The following FEM1C variants were observed in gnomAD, a reference collection of about 807,000 sequenced individuals.
FEM1C encodes the protein fem-1 homolog C.
In FEM1C, 15 loss-of-function variants were observed where a neutral mutation model predicts 37.6. The observed-to-expected ratio is 0.40, with a 90% CI of 0.27 to 0.61. The LOEUF (loss-of-function observed/expected upper bound fraction) is 0.61, where lower values mean the gene tolerates loss of function less well. Ranked by LOEUF, FEM1C falls within the 20% of genes least tolerant of loss-of-function variation. FEM1C has a pLI of 0.42. For synonymous variants in FEM1C, 287 were observed against 272.8 expected, an observed-to-expected ratio of 1.05 and a Z score of -0.51; for missense variants, 532 against 749.7, an observed-to-expected ratio of 0.71 and a Z score of 3.39.
At chr5:115,531,820 G>T (rs1267346663) in intron 2 of FEM1C, among the ~76,000 whole-genome samples, 3 of 151,918 alleles carry the variant, frequency 2.0e-5, no homozygotes, top group Non-Finnish European at 2.9e-5. Context: ...TACTGAAATG[G>T]GGTGGGCTGG....
Position 115,524,941 on chromosome 5 carries a change from T to G in FEM1C, c.1221A>C (p.Thr407=). ...AAAGTATGCCCATAAGATCATCAAA[T>G]GTAACAGTAGTACCCAGCAGGCCTT... The part of the protein sequence containing the change: ...RAKGLLGTTV[T]FDDLMGILCK... Residue 407 remains threonine (T), a synonymous_variant, in exon 3 of 3, where the codon ACA becomes ACC. Transcript: ENST00000274457. 1.2e-6 allele frequency: 2 copies of G among 1,613,798 alleles called. No individual in the cohort carries two copies. Among genetic ancestry groups the G allele is most frequent in the Non-Finnish European group, 1.7e-6 (2 of 1,179,850 alleles).
chr5:115,535,284 T>TAAAAAAAAAAAAAAAAAAAAAAAAAAAA (rs5870660), intron 2 of FEM1C, among the ~76,000 whole-genome samples: 1 of 140,032 alleles, frequency 7.1e-6, no homozygotes, highest in Non-Finnish European at 1.5e-5. Flanking sequence ...TCAAAAAAGT[T>TAAAAAAAAAAAAAAAAAAAAAAAAAAAA]AAAAAAAAAA....
chr5:115,529,008 AG>A (rs768430763), intron 2 of FEM1C, among the ~76,000 whole-genome samples: 49 of 152,208 alleles, frequency 3.2e-4, no homozygotes, highest in Admixed American at 1.0e-3. Context: ...AGAAAGAAGC[AG>A]GGAGTGGTAA....
chr5:115,543,349 C>A lies in FEM1C; in HGVS notation c.145G>T (p.Ala49Ser), dbSNP rs147888948. ...TNGATPLLMAARYGHLDMVEF... is the reference protein window; with the variant it reads ...TNGATPLLMASRYGHLDMVEF... ...ACCATGTCAAGGTGCCCATACCTGG[C>A]GGCCATCAAGAGTGGCGTGGCCCCA... The change falls in exon 2 of 3, where the codon GCC becomes TCC. Residue 49 changes from alanine (A) to serine (S), a missense_variant. This residue lies in a region of FEM1C where 74 missense variants were observed against 85.0 expected (regional missense o/e 0.87). Transcript: ENST00000274457. 3.3e-5 allele frequency: 54 copies of A among 1,614,204 alleles called. No homozygotes were observed. The East Asian group carries it at 1.2e-3, about 35-fold the overall frequency.
chr5:115,541,664 A>G (rs1754244094), intron 2 of FEM1C, among the ~76,000 whole-genome samples: 1 of 152,194 alleles, frequency 6.6e-6, no homozygotes, highest in African/African-American at 2.4e-5. Flanking sequence ...AATATCAACC[A>G]ATAGAGACTA....
At chr5:115,530,956 A>T (rs1200380123) in intron 2 of FEM1C, among the ~76,000 whole-genome samples, 1 of 152,066 alleles carries the variant, frequency 6.6e-6, no homozygotes, top group Non-Finnish European at 1.5e-5. Context: ...AAAAAAAAAA[A>T]ATTAATGAAA....
At position 115,523,475 on chromosome 5, in the gene FEM1C, T is replaced by C. The variant is rs1367832702; in HGVS notation, c.*833A>G. On this transcript the variant is annotated 3_prime_UTR_variant, in exon 3 of 3. Coordinates refer to ENST00000274457, the MANE Select transcript of FEM1C (RefSeq NM_020177.3). ...CCTTTTACTGCATGATATATTAAGA[T>C]GACAGACCTAAATTTCAACTGGGTT... 6.6e-6 allele frequency: 1 copy of C among 152,496 alleles called. No homozygotes were observed. Among genetic ancestry groups the C allele is most frequent in the Admixed American group, 6.6e-5 (1 of 15,234 alleles). The allele number at this position is 152,496 out of a possible 1,614,324, so 9.4% of individuals were successfully genotyped here. A position where few individuals can be genotyped will look rare whatever the true frequency, so the allele number is the denominator to read the frequency against.
intron 2 of FEM1C, among the ~76,000 whole-genome samples, chr5:115,542,563 TA>T (rs56087439): frequency 0.61 from 86,625 of 142,320 alleles, 26,422 homozygotes; most frequent in African/African-American, 0.76. Flanking sequence ...AAGGTTGTTC[TA>T]AAAAAAAAAA....
intron 1 of FEM1C, 60 bp from the exon 2 acceptor site, chr5:115,543,743 T>G (rs1005498960): frequency 7.8e-7 from 1 of 1,289,626 alleles, no homozygotes; most frequent in Non-Finnish European, 9.8e-7. Context: ...GCAAAACACT[T>G]CTTAATTTCC....
At chr5:115,540,279 A>C (rs1306668433) in intron 2 of FEM1C, among the ~76,000 whole-genome samples, 1 of 152,080 alleles carries the variant, frequency 6.6e-6, no homozygotes, top group African/African-American at 2.4e-5. Context: ...GAGGATGAAC[A>C]TGTACTTTAA....
chr5:115,523,598 C>A lies in FEM1C; in HGVS notation c.*710G>T, dbSNP rs1448206803. On this transcript the variant is annotated 3_prime_UTR_variant, in exon 3 of 3. Coordinates refer to ENST00000274457, the MANE Select transcript of FEM1C (RefSeq NM_020177.3). ...GATGTGAAGAAAGTGAAGAAAAAAA[C>A]AAACAAAAAAGCTTGAGCTATAATA... The A allele has an allele frequency of 6.6e-6, 1 of 152,318 alleles. No individual in the cohort carries two copies. Among genetic ancestry groups the A allele is most frequent in the African/African-American group, 2.4e-5 (1 of 41,416 alleles). The allele number at this position is 152,318 out of a possible 1,614,324, so 9.4% of individuals were successfully genotyped here.
Position 115,525,411 on chromosome 5 carries a change from G to A in FEM1C, c.751C>T (p.Leu251=). 6.2e-7 allele frequency: 1 copy of A among 1,613,598 alleles called. No homozygotes were observed. Among genetic ancestry groups the A allele is most frequent in the East Asian group, 2.2e-5 (1 of 44,864 alleles). ...KTERINALEL[L]GATFVDKKRD... ...TTTTTGTCTACAAATGTAGCTCCCA[G>A]AAGCTCTAGAGCATTAATACGTTCT... Residue 251 remains leucine, a synonymous_variant, in exon 3 of 3, where the codon CTG becomes TTG. Transcript: ENST00000274457.
chr5:115,528,499 A>C (rs1244782893), intron 2 of FEM1C, among the ~76,000 whole-genome samples: 1 of 152,208 alleles, frequency 6.6e-6, no homozygotes, highest in African/African-American at 2.4e-5. Context: ...CTAGGGAGTT[A>C]AAGTTAACTG....
At chr5:115,527,606 T>G (rs764475594) in intron 2 of FEM1C, among the ~76,000 whole-genome samples, 2 of 152,164 alleles carry the variant, frequency 1.3e-5, no homozygotes, top group African/African-American at 4.8e-5. Flanking sequence ...CTATTCCCCA[T>G]GTTTTTCTAA....
intron 2 of FEM1C, among the ~76,000 whole-genome samples, chr5:115,534,160 T>C (rs1345918730): frequency 6.6e-6 from 1 of 151,998 alleles, no homozygotes; most frequent in African/African-American, 2.4e-5. Flanking sequence ...CCATTTTCAC[T>C]GGGATGCTTC....
At position 115,524,503 on chromosome 5, in the gene FEM1C, A is replaced by G; in HGVS notation, c.1659T>C (p.His553=). The change falls in exon 3 of 3, where the codon CAT becomes CAC. Residue 553 remains histidine (H), a synonymous_variant. Transcript: ENST00000274457. The part of the protein sequence containing the change: ...IMNLLIKSGA[H]FDATNLHKQT... ...GTTTGTGCAAGTTTGTGGCATCAAA[A>G]TGTGCACCTGATTTAATAAGGAGAT... 6.2e-7 allele frequency: 1 copy of G among 1,613,052 alleles called. No homozygotes were observed. The highest frequency in any genetic ancestry group is 8.5e-7 in the Non-Finnish European group (1 of 1,179,462).
intron 1 of FEM1C, 152 bp from the exon 2 acceptor site, chr5:115,543,835 G>A (rs1363353796): frequency 2.0e-6 from 2 of 984,320 alleles, no homozygotes; most frequent in Non-Finnish European, 2.4e-6. Flanking sequence ...CAAAGAAAAG[G>A]TGGTAAAGAA....
At chr5:115,544,144 C>G in intron 1 of FEM1C, 1 of 985,456 alleles carries the variant, frequency 1.0e-6, no homozygotes, top group Non-Finnish European at 1.2e-6. Context: ...CACCAAACCC[C>G]GGCTAAGGCC....
intron 2 of FEM1C, among the ~76,000 whole-genome samples, chr5:115,526,578 A>C (rs1337186116): frequency 1.3e-5 from 2 of 152,306 alleles, no homozygotes; most frequent in East Asian, 3.9e-4. Context: ...ATTTTAGCTA[A>C]GTTTAATGAT....
Sources: gnomAD v4.1 joint callset for allele counts (sites outside exome capture counted in the v4.1 genomes callset) on GRCh38, gnomAD v4.1.1 for gene constraint, gnomAD v4.1.1 regional missense constraint, MANE v1.5 for transcripts, NCBI Gene and HGNC (gene_info 2026-07-23, HGNC 2026-07-21) for gene names.